DUSP22: variants seen among roughly 807,000 people sequenced by gnomAD.
The protein encoded by DUSP22 is dual specificity phosphatase 22, also known as dual specificity protein phosphatase 22.
A neutral mutation model predicts 24.5 loss-of-function variants in DUSP22; 24 were observed. The observed-to-expected ratio is 0.98, with a 90% CI of 0.71 to 1.38. DUSP22 has a LOEUF of 1.38. Among genes scored for constraint, DUSP22 ranks in the 40% most tolerant of loss-of-function variants. The pLI is 0.00. For synonymous variants in DUSP22, 160 were observed against 106.4 expected, an observed-to-expected ratio of 1.50 and a Z score of -3.10; for missense variants, 330 against 269.2, an observed-to-expected ratio of 1.23 and a Z score of -1.58.
intron 2 of DUSP22, among the ~76,000 whole-genome samples, chr6:307,205 G>A (rs1026545520): frequency 1.3e-5 from 2 of 152,296 alleles, no homozygotes; most frequent in Non-Finnish European, 2.9e-5. Context: ...TGTGCCTCTT[G>A]TAACACAAGA....
At chr6:296,260 C>T (rs939798931) in intron 1 of DUSP22, among the ~76,000 whole-genome samples, 4 of 152,290 alleles carry the variant, frequency 2.6e-5, no homozygotes, top group Non-Finnish European at 5.9e-5. Flanking sequence ...TTATAATTGC[C>T]AATGAGTTTA....
At chr6:316,757 A>G (rs1036669104) in intron 3 of DUSP22, among the ~76,000 whole-genome samples, 1 of 152,308 alleles carries the variant, frequency 6.6e-6, no homozygotes, top group Non-Finnish European at 1.5e-5. Flanking sequence ...TTAACAAAAA[A>G]AAAGTTTTAA....
At chr6:296,365 G>A (rs545233651) in intron 1 of DUSP22, among the ~76,000 whole-genome samples, 49 of 152,390 alleles carry the variant, frequency 3.2e-4, no homozygotes, top group African/African-American at 1.2e-3. Flanking sequence ...TGTACACAGA[G>A]GCTAAGGGAA....
In DUSP22 at chr6:350,415, T is replaced by G. The variant is rs1760140966; in HGVS notation, c.*1464T>G. 1 of 1,111,228 alleles carries G rather than the reference T, an allele frequency of 9.0e-7. No homozygotes were observed. Among genetic ancestry groups the G allele is most frequent in the African/African-American group, 1.7e-5 (1 of 60,464 alleles). The allele number at this position is 1,111,228 out of a possible 1,614,324, so 68.8% of individuals were successfully genotyped here. ...CTCGAATGAAAAAACATACTCGACCTCTCCCTAAAAAGATGTTGCAACCCA... is the reference window on the plus strand; with the variant it reads ...CTCGAATGAAAAAACATACTCGACCGCTCCCTAAAAAGATGTTGCAACCCA... On this transcript the variant is annotated 3_prime_UTR_variant, in exon 7 of 7. Transcript: ENST00000419235.
intron 4 of DUSP22, among the ~76,000 whole-genome samples, chr6:342,077 T>C (rs914723912): frequency 6.6e-6 from 1 of 152,300 alleles, no homozygotes; most frequent in East Asian, 1.9e-4. Context: ...TCAGTTGTCA[T>C]CTTTACAAGA....
chr6:346,071 G>A (rs1270114014), intron 5 of DUSP22, 143 bp downstream of exon 5: 1 of 1,044,068 alleles, frequency 9.6e-7, no homozygotes, highest in East Asian at 2.6e-5. Flanking sequence ...TGCTCCATTT[G>A]TCCAGCGCTG....
chr6:307,894 T>C (rs1757884881), intron 2 of DUSP22, among the ~76,000 whole-genome samples: 1 of 152,308 alleles, frequency 6.6e-6, no homozygotes, highest in Non-Finnish European at 1.5e-5. Context: ...GGTAGTCTGC[T>C]GTCAGCTTAC....
At position 350,823 on chromosome 6, in the gene DUSP22, C is replaced by T. The variant is rs151089035; in HGVS notation, c.*1872C>T. 2.7e-5 allele frequency: 43 copies of T among 1,614,120 alleles called. No homozygotes were observed. Among genetic ancestry groups the T allele is most frequent in the South Asian group, 3.3e-5 (3 of 91,088 alleles). ...GCCAGTAATGTTCTTTCTTCACAGC[C>T]GCTCCGGGAATTCTGAAGTTCTGGG... is the stretch of plus-strand genomic sequence containing the variant. On this transcript the variant is annotated 3_prime_UTR_variant, in exon 7 of 7. Transcript: ENST00000419235.
At position 350,940 on chromosome 6, in the gene DUSP22, T is replaced by A. The variant is rs78590852; in HGVS notation, c.*1989T>A. ...GGTGCTGCCAAAAAGAAAAGCAACA[T>A]AGAGTTTAAGTATCCAGTAGTGATT... On this transcript the variant is annotated 3_prime_UTR_variant, in exon 7 of 7. Coordinates refer to ENST00000419235, the MANE Select transcript of DUSP22 (RefSeq NM_001286555.3). 3.7e-3 allele frequency: 5,929 copies of A among 1,595,826 alleles called. No homozygotes were observed. The highest frequency in any genetic ancestry group is 4.5e-3 in the Non-Finnish European group (5,185 of 1,164,320).
intron 3 of DUSP22, among the ~76,000 whole-genome samples, chr6:317,846 G>A (rs969178207): frequency 6.6e-6 from 1 of 152,288 alleles, no homozygotes. Context: ...CCGTTCCAAA[G>A]TGAGAAATCA....
chr6:310,995 C>G (rs1287651011), intron 2 of DUSP22, among the ~76,000 whole-genome samples: 1 of 152,300 alleles, frequency 6.6e-6, no homozygotes, highest in Non-Finnish European at 1.5e-5. Flanking sequence ...AGGACTGTAG[C>G]CTGAAACACA....
intron 3 of DUSP22, among the ~76,000 whole-genome samples, chr6:322,842 G>GC (rs1561663881): frequency 1.4e-5 from 2 of 143,938 alleles, no homozygotes; most frequent in Non-Finnish European, 3.1e-5. Flanking sequence ...GGGCGGGGGG[G>GC]GGCCTTCGAG....
intron 3 of DUSP22, among the ~76,000 whole-genome samples, 160 bp downstream of exon 3, chr6:312,122 GCTGT>G (rs1758138343): frequency 6.6e-6 from 1 of 152,300 alleles, no homozygotes; most frequent in African/African-American, 2.4e-5. Context: ...ATGTTAACAC[GCTGT>G]CTGTAGCGTG....
intron 3 of DUSP22, chr6:325,465 T>C (rs9392420): frequency 3.2e-4 from 45 of 139,246 alleles, no homozygotes; most frequent in Admixed American, 7.8e-4. Flanking sequence ...TGGGCTTCCG[T>C]ATCCTGGTGT....
chr6:314,157 A>G (rs1034704292), intron 3 of DUSP22, among the ~76,000 whole-genome samples: 2 of 152,300 alleles, frequency 1.3e-5, no homozygotes, highest in Non-Finnish European at 2.9e-5. Flanking sequence ...GTGCGAGGTC[A>G]AGCAAATGCA....
rs1419923485 is a variant in DUSP22 at position 292,579 on chromosome 6, C to T, written c.21+19C>T. The T allele has an allele frequency of 1.9e-6, 3 of 1,593,560 alleles. No individual in the cohort carries two copies. Among genetic ancestry groups the T allele is most frequent in the African/African-American group, 1.4e-5 (1 of 73,370 alleles). The stretch of plus-strand genomic sequence containing the variant: ...GAACAAGGTAACGTCTTCCCTCGTT[C>T]GCGCTGGGTTTGCCTCCGCTCCGAC... On this transcript the variant is annotated intron_variant, in intron 1 of 6. Coordinates refer to ENST00000419235, the MANE Select transcript of DUSP22 (RefSeq NM_001286555.3).
chr6:332,403 A>C (rs900303332), intron 3 of DUSP22, among the ~76,000 whole-genome samples: 25 of 152,296 alleles, frequency 1.6e-4, no homozygotes, highest in Admixed American at 3.3e-4. Flanking sequence ...TGGTTCCCAG[A>C]TGGAGAGATA....
intron 1 of DUSP22, 47 bp downstream of exon 1, chr6:292,607 C>T: frequency 6.4e-7 from 1 of 1,574,484 alleles, no homozygotes; most frequent in Middle Eastern, 1.7e-4. Context: ...GCTCCGACGC[C>T]CTGCCGTCTC....
chr6:323,154 C>G (rs1758688581), intron 3 of DUSP22, among the ~76,000 whole-genome samples: 2 of 152,308 alleles, frequency 1.3e-5, no homozygotes, highest in Admixed American at 1.3e-4. Context: ...TTATTACAGG[C>G]TGTGAACAAG....
Sources: gnomAD v4.1 joint callset for allele counts (sites outside exome capture counted in the v4.1 genomes callset) on GRCh38, gnomAD v4.1.1 for gene constraint, MANE v1.5 for transcripts, NCBI Gene and HGNC (gene_info 2026-07-23, HGNC 2026-07-21) for gene names.